Variants in CPXM2 observed in about 807,000 individuals in gnomAD.
CPXM2 encodes the protein inactive carboxypeptidase-like protein X2.
CPXM2 carries 66 observed loss-of-function variants against 86.1 expected under a neutral mutation model. The ratio of observed to expected loss-of-function variants is 0.77; its 90% CI spans 0.63 to 0.94. The LOEUF (loss-of-function observed/expected upper bound fraction) is 0.94. Ranked by LOEUF, CPXM2 falls within the 40% of genes least tolerant of loss-of-function variation. The pLI, the probability that CPXM2 is intolerant of heterozygous loss-of-function variation, is 0.00. For missense variants in CPXM2, 948 were observed against 1,026.3 expected (o/e 0.92, Z 1.04); for synonymous variants, 388 against 400.2 (o/e 0.97, Z 0.36).
At chr10:123,917,224 C>T (rs1270706376) in intron 2 of CPXM2, among the ~76,000 whole-genome samples, 1 of 152,170 alleles carries the variant, frequency 6.6e-6, no homozygotes, top group Non-Finnish European at 1.5e-5. Flanking sequence ...TCTAGAGGCG[C>T]CCATAGAAAA....
At chr10:123,810,634 A>T (rs1466453176) in intron 4 of CPXM2, among the ~76,000 whole-genome samples, 1 of 152,128 alleles carries the variant, frequency 6.6e-6, no homozygotes, top group African/African-American at 2.4e-5. Flanking sequence ...TAAAATAAAG[A>T]TGTGCAAGAT....
At chr10:123,905,824 C>T (rs1945434212) in intron 2 of CPXM2, among the ~76,000 whole-genome samples, 1 of 152,134 alleles carries the variant, frequency 6.6e-6, no homozygotes, top group African/African-American at 2.4e-5. Context: ...CCATCTCCTG[C>T]GTTCTGACTC....
At chr10:123,853,548 A>G (rs1175373365) in intron 3 of CPXM2, among the ~76,000 whole-genome samples, 1 of 152,220 alleles carries the variant, frequency 6.6e-6, no homozygotes, top group East Asian at 1.9e-4. Flanking sequence ...TGCTGAGTAC[A>G]TGAAAGGTTT....
intron 3 of CPXM2, among the ~76,000 whole-genome samples, chr10:123,851,576 TG>T (rs1243757407): frequency 6.6e-6 from 1 of 152,128 alleles, no homozygotes; most frequent in Non-Finnish European, 1.5e-5. Context: ...CAGACCATTC[TG>T]GCTAACACAG....
chr10:123,899,695 G>T (rs1945365849), intron 2 of CPXM2, among the ~76,000 whole-genome samples: 1 of 152,194 alleles, frequency 6.6e-6, no homozygotes, highest in South Asian at 2.1e-4. Flanking sequence ...CATCAAGGTG[G>T]ATTCTTTACC....
intron 13 of CPXM2, among the ~76,000 whole-genome samples, chr10:123,747,868 G>A (rs1845999282): frequency 1.4e-5 from 2 of 147,660 alleles, no homozygotes; most frequent in South Asian, 2.2e-4. Flanking sequence ...GTTGCAGTGA[G>A]CTGGGATCAC....
chr10:123,771,931 A>G (rs1846643740), intron 7 of CPXM2, among the ~76,000 whole-genome samples: 1 of 151,846 alleles, frequency 6.6e-6, no homozygotes, highest in Non-Finnish European at 1.5e-5. Context: ...GCCATGCAGA[A>G]TTCTGAGTCA....
chr10:123,792,511 C>T (rs1847227924), intron 6 of CPXM2, among the ~76,000 whole-genome samples: 1 of 152,128 alleles, frequency 6.6e-6, no homozygotes, highest in African/African-American at 2.4e-5. Flanking sequence ...CACCCTAACC[C>T]AGAAGCCCCA....
At chr10:123,900,968 T>C (rs1945376688) in intron 2 of CPXM2, among the ~76,000 whole-genome samples, 1 of 152,216 alleles carries the variant, frequency 6.6e-6, no homozygotes, top group Non-Finnish European at 1.5e-5. Context: ...ACACTAATTA[T>C]CTGGTAAAGA....
chr10:123,780,318 T>C, intron 6 of CPXM2, 63 bp from the exon 7 acceptor site: 1 of 1,046,650 alleles, frequency 9.6e-7, no homozygotes, highest in East Asian at 2.4e-5. Context: ...GCACCTCTGT[T>C]AGAGACACAT....
chr10:123,843,851 C>T (rs992115047), intron 3 of CPXM2, among the ~76,000 whole-genome samples: 1 of 152,118 alleles, frequency 6.6e-6, no homozygotes, highest in Non-Finnish European at 1.5e-5. Context: ...TGCCACATAG[C>T]CTGAGACATG....
At chr10:123,849,287 T>C (rs989483428) in intron 3 of CPXM2, among the ~76,000 whole-genome samples, 1 of 152,208 alleles carries the variant, frequency 6.6e-6, no homozygotes, top group African/African-American at 2.4e-5. Context: ...TTACGTAACA[T>C]ACTTAATTCT....
chr10:123,901,429 T>TGTGTGTGTGTGTGTGTG (rs1945379896), intron 2 of CPXM2, among the ~76,000 whole-genome samples: 1 of 138,956 alleles, frequency 7.2e-6, no homozygotes, highest in Non-Finnish European at 1.5e-5. Context: ...CCAAGCAAGT[T>TGTGTGTGTGTGTGTGTG]TGTGTGTGTG....
chr10:123,770,630 C>T (rs1846604816), intron 8 of CPXM2, among the ~76,000 whole-genome samples: 2 of 152,216 alleles, frequency 1.3e-5, no homozygotes, highest in South Asian at 4.1e-4. Flanking sequence ...CAGCCACTTT[C>T]TTCTTTGGCT....
chr10:123,843,297 C>G, intron 3 of CPXM2: 1 of 455,694 alleles, frequency 2.2e-6, no homozygotes, highest in Non-Finnish European at 4.4e-6. Flanking sequence ...AAAGTTTTTG[C>G]TCTGGAATTT....
rs1945733853 is a variant in CPXM2 at position 123,937,491 on chromosome 10, A to AC, written n.174+1985dup. On this transcript the variant is annotated intron_variant and non_coding_transcript_variant, in intron 2 of 19. Coordinates refer to the CPXM2 transcript ENST00000368854. ...AAACAACACACACACACACACACAC[A>AC]CACACACACACACACACACACACAC... Among the ~76,000 whole-genome samples, 5 of 117,098 alleles carry AC rather than the reference A, an allele frequency of 4.3e-5. No homozygotes were observed. The South Asian group carries it at 1.8e-3, about 41-fold the overall frequency. The allele number at this position is 117,098 out of a possible 152,430, so 76.8% of individuals were successfully genotyped here.
At chr10:123,902,234 A>C (rs1248354543) in intron 2 of CPXM2, among the ~76,000 whole-genome samples, 1 of 152,208 alleles carries the variant, frequency 6.6e-6, no homozygotes, top group Non-Finnish European at 1.5e-5. Context: ...GCTCACAGGC[A>C]GGTTACCCAG....
chr10:123,928,043 G>C (rs1405285615), intron 2 of CPXM2, among the ~76,000 whole-genome samples: 2 of 152,182 alleles, frequency 1.3e-5, no homozygotes, highest in Non-Finnish European at 2.9e-5. Flanking sequence ...ACACAGCACA[G>C]AGCTTGTCTG....
chr10:123,821,652 G>A (rs1847926397), intron 4 of CPXM2, among the ~76,000 whole-genome samples: 1 of 152,190 alleles, frequency 6.6e-6, no homozygotes, highest in Non-Finnish European at 1.5e-5. Flanking sequence ...GCTGTCAAAT[G>A]GGGGTAATGT....
Sources: allele counts gnomAD v4.1 joint callset (sites outside exome capture counted in the v4.1 genomes callset), GRCh38; gene constraint gnomAD v4.1.1; transcripts MANE v1.5; gene names NCBI Gene and HGNC (gene_info 2026-07-23, HGNC 2026-07-21).